Variants in ASPRV1 observed in about 807,000 individuals in gnomAD.
ASPRV1 encodes the protein retroviral-like aspartic protease 1.
In ASPRV1, 7 loss-of-function variants were observed where a neutral mutation model predicts 11.0. The observed-to-expected ratio is 0.64, with a 90% confidence interval of 0.36 to 1.20. The LOEUF (loss-of-function observed/expected upper bound fraction) is 1.20, where lower values mean the gene tolerates loss of function less well. ASPRV1 is among the 50% of genes most tolerant of loss of function. ASPRV1 has a pLI of 0.02. For synonymous variants in ASPRV1, 136 were observed against 138.4 expected (o/e 0.98, Z 0.12); for missense variants, 299 against 320.0 (o/e 0.93, Z 0.50).
chr2:70,050,381 G>C, the ASPRV1 span: 3 of 152,038 alleles, frequency 2.0e-5, no homozygotes, highest in African/African-American at 7.2e-5. Flanking sequence ...TAAATTTAAA[G>C]ATTAAAGATT....
At chr2:70,073,900 G>A in the ASPRV1 span, among the ~76,000 whole-genome samples, 27 of 151,868 alleles carry the variant, frequency 1.8e-4, no homozygotes, top group African/African-American at 4.8e-4. Flanking sequence ...TTGGGAGGCC[G>A]AAATGGGCAG....
the ASPRV1 span, chr2:69,939,271 C>A: frequency 6.5e-6 from 1 of 152,752 alleles, no homozygotes; most frequent in African/African-American, 2.4e-5. Flanking sequence ...GTCCACATTT[C>A]TACTCTCTGT....
the ASPRV1 span, chr2:70,050,774 T>C: frequency 3.3e-5 from 5 of 151,802 alleles, no homozygotes; most frequent in African/African-American, 9.7e-5. Flanking sequence ...CAAGAACCCA[T>C]CTCTACAAAA....
downstream of ASPRV1, among the ~76,000 whole-genome samples, chr2:69,957,293 G>GA (rs1330673142): frequency 1.3e-5 from 2 of 152,166 alleles, no homozygotes; most frequent in African/African-American, 4.8e-5. Flanking sequence ...TATATAGATA[G>GA]GAGAAAAGGA....
chr2:70,050,465 T>C, the ASPRV1 span: 1 of 152,070 alleles, frequency 6.6e-6, no homozygotes, highest in African/African-American at 2.4e-5. Flanking sequence ...CGCTTTTTTC[T>C]AAACATTGGT....
chr2:70,018,651 G>T, the ASPRV1 span, among the ~76,000 whole-genome samples: 597 of 152,164 alleles, frequency 3.9e-3, 2 homozygotes, highest in Middle Eastern at 0.014. Context: ...TTCAACAAAG[G>T]TCCCAAGAAC....
chr2:70,065,340 G>A, the ASPRV1 span, among the ~76,000 whole-genome samples: 5 of 134,980 alleles, frequency 3.7e-5, no homozygotes, highest in African/African-American at 1.1e-4. Context: ...GCAATGAGCC[G>A]AGATGGCGCT....
At chr2:69,963,193 T>A (rs1435546990), upstream of ASPRV1, 4 of 444,170 alleles carry the variant, frequency 9.0e-6, no homozygotes, top group East Asian at 2.8e-4. Context: ...GGCAGTTGGG[T>A]CAACACCTCT....
the ASPRV1 span, among the ~76,000 whole-genome samples, chr2:69,936,254 C>G: frequency 6.6e-6 from 1 of 152,136 alleles, no homozygotes; most frequent in East Asian, 1.9e-4. Context: ...CTGGGTATCT[C>G]TTAGCCCTGT....
rs760082473 is a variant in ASPRV1 at position 69,961,044 on chromosome 2, G to A, written c.393C>T (p.Ala131=). The change falls in exon 1 of 1, where the codon GCC becomes GCT. Residue 131 remains alanine (A), a synonymous_variant. Coordinates refer to ENST00000320256, the MANE Select transcript of ASPRV1 (RefSeq NM_152792.4). ...AGTTTGGGTGGACCACAGAGACCTG[G>A]GCCCCAGAGTCCACCAGGAACCTCA... The part of the protein sequence containing the change: ...VPVRFLVDSG[A]QVSVVHPNLW... The A allele has an allele frequency of 8.2e-5, 132 of 1,613,814 alleles. 1 individual carries two copies. The South Asian group carries it at 1.3e-3, about 16-fold the overall frequency.
the ASPRV1 span, among the ~76,000 whole-genome samples, chr2:69,974,024 A>G: frequency 1.3e-5 from 2 of 152,240 alleles, no homozygotes; most frequent in African/African-American, 4.8e-5. Flanking sequence ...CATAATCTTA[A>G]AAGAATAAAG....
At chr2:70,008,726 A>G in the ASPRV1 span, among the ~76,000 whole-genome samples, 1 of 151,620 alleles carries the variant, frequency 6.6e-6, no homozygotes, top group Non-Finnish European at 1.5e-5. Context: ...TGGCCCAGGG[A>G]AGCCAAAAGA....
chr2:70,060,258 T>G, the ASPRV1 span, among the ~76,000 whole-genome samples: 5 of 149,534 alleles, frequency 3.3e-5, no homozygotes, highest in Admixed American at 2.7e-4. Flanking sequence ...TGAGAATTAC[T>G]TGAACTCAGG....
the ASPRV1 span, among the ~76,000 whole-genome samples, chr2:69,950,880 TA>T: frequency 5.0e-5 from 7 of 139,832 alleles, no homozygotes; most frequent in South Asian, 6.8e-4. Context: ...AATAAATAAA[TA>T]AATAAATAAT....
the ASPRV1 span, chr2:70,075,070 T>C: frequency 6.7e-6 from 1 of 149,400 alleles, no homozygotes; most frequent in Non-Finnish European, 1.5e-5. Flanking sequence ...TGAGCCAAGA[T>C]TGCGCCCCTG....
At chr2:69,955,769 G>A (rs1677922874), downstream of ASPRV1, among the ~76,000 whole-genome samples, 1 of 152,176 alleles carries the variant, frequency 6.6e-6, no homozygotes, top group Non-Finnish European at 1.5e-5. Flanking sequence ...AAATAAAGGG[G>A]AAGGTTAGAC....
the ASPRV1 span, among the ~76,000 whole-genome samples, chr2:70,069,957 T>C: frequency 2.0e-5 from 3 of 151,904 alleles, no homozygotes; most frequent in African/African-American, 4.8e-5. Flanking sequence ...TGCCAACAAG[T>C]GTTATTTTTA....
At chr2:69,974,003 T>C in the ASPRV1 span, among the ~76,000 whole-genome samples, 1 of 152,170 alleles carries the variant, frequency 6.6e-6, no homozygotes, top group Admixed American at 6.5e-5. Flanking sequence ...TCCACAGATG[T>C]AATAGATGTA....
chr2:69,980,231 C>T, the ASPRV1 span, among the ~76,000 whole-genome samples: 1 of 152,250 alleles, frequency 6.6e-6, no homozygotes, highest in East Asian at 1.9e-4. Context: ...AGCTAAAGAT[C>T]TAAACACTGA....
Sources: allele counts gnomAD v4.1 joint callset (sites outside exome capture counted in the v4.1 genomes callset), GRCh38; gene constraint gnomAD v4.1.1; transcripts MANE v1.5; gene names NCBI Gene and HGNC (gene_info 2026-07-23, HGNC 2026-07-21).